Variants in SAV1 observed in about 807,000 individuals in gnomAD.
SAV1 encodes the protein protein salvador homolog 1.
A neutral mutation model predicts 47.3 loss-of-function variants in SAV1; 23 were observed. The observed-to-expected ratio is 0.49, with a 90% CI of 0.35 to 0.69. SAV1 has a LOEUF of 0.69. SAV1 is among the 30% of genes least tolerant of loss of function. SAV1 has a pLI of 0.01. For synonymous variants in SAV1, 155 were observed against 159.2 expected (o/e 0.97, Z 0.20); for missense variants, 448 against 457.4 (o/e 0.98, Z 0.19).
chr14:50,638,276 G>A (rs971721269), intron 4 of SAV1, among the ~76,000 whole-genome samples: 2 of 152,054 alleles, frequency 1.3e-5, no homozygotes, highest in African/African-American at 4.8e-5. Context: ...GCTTCCACAA[G>A]TTTAACTTTT....
At position 50,634,549 on chromosome 14, in the gene SAV1, C is replaced by A. The variant is rs2039616638; in HGVS notation, c.*634G>T. ...TATTTTTTGTAGAGATGGGGCTTCA[C>A]CATGTTGCCCAGGCTGGTCTTAAAC... On this transcript the variant is annotated 3_prime_UTR_variant, in exon 5 of 5. Transcript: ENST00000324679. 1 of 163,322 alleles carries A rather than the reference C, an allele frequency of 6.1e-6. No homozygotes were observed. The highest frequency in any genetic ancestry group is 2.4e-5 in the African/African-American group (1 of 41,500). 10.1% of individuals were successfully genotyped at this position (163,322 alleles called of 1,614,324 possible). A position where few individuals can be genotyped will look rare whatever the true frequency, so the allele number is the denominator to read the frequency against.
intron 1 of SAV1, among the ~76,000 whole-genome samples, 188 bp downstream of exon 1, chr14:50,667,686 C>G (rs921712564): frequency 6.6e-6 from 1 of 151,952 alleles, no homozygotes; most frequent in African/African-American, 2.4e-5. Flanking sequence ...GGGACTAACC[C>G]AAGTTTCTTA....
chr14:50,666,846 T>G (rs764953076), intron 1 of SAV1, among the ~76,000 whole-genome samples: 2 of 151,922 alleles, frequency 1.3e-5, no homozygotes, highest in African/African-American at 4.8e-5. Context: ...CTGACATATA[T>G]TTTGTTGAAA....
intron 2 of SAV1, among the ~76,000 whole-genome samples, chr14:50,657,024 CT>C (rs3080610): frequency 0.45 from 54,872 of 121,922 alleles, 11,781 homozygotes; most frequent in East Asian, 0.66. Context: ...AAAACACTCA[CT>C]TTTTTTTTTT....
intron 2 of SAV1, among the ~76,000 whole-genome samples, chr14:50,653,646 G>C (rs986986340): frequency 1.3e-5 from 2 of 152,132 alleles, no homozygotes; most frequent in Non-Finnish European, 2.9e-5. Context: ...CGAGGCAGGT[G>C]TATCACGAGG....
Position 50,661,442 on chromosome 14 carries a change from G to A in SAV1, c.535+3737C>T, listed in dbSNP as rs191020464. ...TTCCTTTACTGTGCAGACGCCTTTT[G>A]GTTTAATATAGTCCCATATGTCTAT... On this transcript the variant is annotated intron_variant, in intron 2 of 4. Transcript: ENST00000324679. Among the ~76,000 whole-genome samples the A allele has an allele frequency of 3.8e-4, 58 of 152,214 alleles. 1 individual carries two copies. Among genetic ancestry groups the A allele is most frequent in the Non-Finnish European group, 6.0e-4 (41 of 67,996 alleles).
chr14:50,661,909 C>T (rs760959708), intron 2 of SAV1, among the ~76,000 whole-genome samples: 5 of 152,146 alleles, frequency 3.3e-5, no homozygotes, highest in African/African-American at 7.2e-5. Flanking sequence ...TGTGATGCTT[C>T]TAGCTTTGTT....
In SAV1 at chr14:50,665,322, G is replaced by A. The variant is rs1440089499; in HGVS notation, c.392C>T (p.Ser131Phe). 3 of 1,613,676 alleles carry A rather than the reference G, an allele frequency of 1.9e-6. No individual in the cohort carries two copies. Among genetic ancestry groups the A allele is most frequent in the Non-Finnish European group, 2.5e-6 (3 of 1,179,756 alleles). The change falls in exon 2 of 5, where the codon TCC (serine) becomes TTC (phenylalanine). Residue 131 changes from serine to phenylalanine, a missense_variant. Transcript: ENST00000324679. Reference protein sequence around the residue: ...SFAVENGDSGSRYYYSDNFFD... With the variant: ...SFAVENGDSGFRYYYSDNFFD... ...AAAATTGTCTGAATAATAATATCGGGAACCAGAGTCTCCATTTTCAACAGC... is the reference window on the plus strand; with the variant it reads ...AAAATTGTCTGAATAATAATATCGGAAACCAGAGTCTCCATTTTCAACAGC...
At chr14:50,637,027 T>C (rs1329659084) in intron 4 of SAV1, among the ~76,000 whole-genome samples, 1 of 152,156 alleles carries the variant, frequency 6.6e-6, no homozygotes, top group African/African-American at 2.4e-5. Context: ...AAAAGGGAGA[T>C]AGAAAACATA....
chr14:50,654,825 T>G (rs2039799179), intron 2 of SAV1, among the ~76,000 whole-genome samples: 2 of 152,218 alleles, frequency 1.3e-5, no homozygotes, highest in Non-Finnish European at 2.9e-5. Context: ...TACCCATGGC[T>G]GCATCTTAAC....
intron 4 of SAV1, among the ~76,000 whole-genome samples, chr14:50,639,088 A>AT (rs1340585257): frequency 1.3e-5 from 2 of 152,186 alleles, no homozygotes; most frequent in Non-Finnish European, 2.9e-5. Context: ...ATTTTATCCT[A>AT]TAGTTCAGCT....
At chr14:50,650,453 G>GT (rs1260859815) in intron 2 of SAV1, among the ~76,000 whole-genome samples, 6 of 152,238 alleles carry the variant, frequency 3.9e-5, no homozygotes, top group African/African-American at 1.4e-4. Flanking sequence ...TAGCCAGCCA[G>GT]TAAGGTGAAC....
chr14:50,634,918 G>C lies in SAV1; in HGVS notation c.*265C>G, dbSNP rs1050341439. The stretch of plus-strand genomic sequence containing the variant: ...AACATCTGTTCATAATGACATTTCC[G>C]CTGCGTTTTTTTCCATCAAGAATAC... On this transcript the variant is annotated 3_prime_UTR_variant, in exon 5 of 5. Transcript: ENST00000324679. 1 of 341,540 alleles carries C rather than the reference G, an allele frequency of 2.9e-6. No individual in the cohort carries two copies. The highest frequency in any genetic ancestry group is 5.3e-6 in the Non-Finnish European group (1 of 188,354). The allele number at this position is 341,540 out of a possible 1,614,324, so 21.2% of individuals were successfully genotyped here.
intron 1 of SAV1, among the ~76,000 whole-genome samples, chr14:50,666,189 T>C (rs1185173367): frequency 1.3e-5 from 2 of 152,142 alleles, no homozygotes; most frequent in African/African-American, 4.8e-5. Context: ...AATCAAAAGC[T>C]AGAAAGCCAA....
intron 2 of SAV1, among the ~76,000 whole-genome samples, chr14:50,663,603 T>C (rs1013561485): frequency 6.6e-6 from 1 of 152,224 alleles, no homozygotes; most frequent in African/African-American, 2.4e-5. Flanking sequence ...TTACCAACTA[T>C]TCCACATTAT....
intron 2 of SAV1, among the ~76,000 whole-genome samples, chr14:50,660,222 C>T (rs2039847058): frequency 1.3e-5 from 2 of 152,326 alleles, no homozygotes; most frequent in Admixed American, 6.5e-5. Flanking sequence ...CACATGAAGA[C>T]AGCATTGATA....
intron 2 of SAV1, chr14:50,663,190 T>C (rs2039874400): frequency 6.6e-6 from 1 of 152,182 alleles, no homozygotes; most frequent in Admixed American, 6.5e-5. Flanking sequence ...CAAAATATTA[T>C]ATAATCACAT....
At chr14:50,648,255 C>G (rs2039738590) in intron 2 of SAV1, among the ~76,000 whole-genome samples, 1 of 152,108 alleles carries the variant, frequency 6.6e-6, no homozygotes, top group South Asian at 2.1e-4. Context: ...ACTACTAGGA[C>G]AGAAAACAGT....
At chr14:50,663,104 C>A (rs550649952) in intron 2 of SAV1, 1 of 152,144 alleles carries the variant, frequency 6.6e-6, no homozygotes, top group Non-Finnish European at 1.5e-5. Flanking sequence ...TGGAAGATTA[C>A]GCAGTCATTA....
Sources: gnomAD v4.1 joint callset for allele counts (sites outside exome capture counted in the v4.1 genomes callset) on GRCh38, gnomAD v4.1.1 for gene constraint, MANE v1.5 for transcripts, NCBI Gene and HGNC (gene_info 2026-07-23, HGNC 2026-07-21) for gene names.